The following ROBO2 variants were observed in gnomAD, a reference collection of about 807,000 sequenced individuals.
ROBO2 encodes roundabout guidance receptor 2, also known as roundabout homolog 2.
A neutral mutation model predicts 160.8 loss-of-function variants in ROBO2; 53 were observed. The observed-to-expected ratio is 0.33, with a 90% confidence interval of 0.26 to 0.41. The LOEUF is 0.41. Among genes scored for constraint, ROBO2 ranks in the 10% least tolerant of loss-of-function variants. The pLI, the probability that ROBO2 is intolerant of heterozygous loss-of-function variation, is 1.00. For synonymous variants in ROBO2, 664 were observed against 611.7 expected (o/e 1.09, Z -1.26); for missense variants, 1,577 against 1,722.4 (o/e 0.92, Z 1.49).
At chr3:75,970,109 C>G (rs1192776685) in intron 2 of ROBO2, among the ~76,000 whole-genome samples, 2 of 151,300 alleles carry the variant, frequency 1.3e-5, no homozygotes, top group African/African-American at 4.8e-5. Flanking sequence ...TGTAGATAAC[C>G]AGACTCTCAC....
At chr3:76,708,877 G>C (rs2093227749) in intron 2 of ROBO2, among the ~76,000 whole-genome samples, 1 of 152,158 alleles carries the variant, frequency 6.6e-6, no homozygotes. Flanking sequence ...AAGCACCCAA[G>C]AGATATTAGG....
intron 1 of ROBO2, among the ~76,000 whole-genome samples, chr3:75,921,859 A>G (rs757516478): frequency 2.0e-5 from 3 of 152,158 alleles, no homozygotes; most frequent in African/African-American, 4.8e-5. Context: ...TTCAGCTTCT[A>G]CCCTCAATGG....
At chr3:76,909,015 G>T (rs2148917183) in intron 2 of ROBO2, among the ~76,000 whole-genome samples, 1 of 152,208 alleles carries the variant, frequency 6.6e-6, no homozygotes, top group Admixed American at 6.5e-5. Context: ...ATTGCTTAAG[G>T]CCAGGGGTTA....
At chr3:76,704,270 G>A (rs1213295743) in intron 2 of ROBO2, among the ~76,000 whole-genome samples, 1 of 152,218 alleles carries the variant, frequency 6.6e-6, no homozygotes, top group African/African-American at 2.4e-5. Context: ...GTGAGAGTGT[G>A]AACATTCACA....
At chr3:76,413,084 G>A (rs6762579) in intron 2 of ROBO2, among the ~76,000 whole-genome samples, 85,751 of 152,092 alleles carry the variant, frequency 0.56, 24,701 homozygotes, top group African/African-American at 0.67. Flanking sequence ...CCACCCTCTG[G>A]AGCCACAGCC....
At chr3:77,337,590 TA>T (rs1473234403) in intron 2 of ROBO2, among the ~76,000 whole-genome samples, 3 of 152,186 alleles carry the variant, frequency 2.0e-5, no homozygotes, top group African/African-American at 7.2e-5. Flanking sequence ...ATGTTTCTTA[TA>T]TTGTTACTTT....
chr3:77,016,801 A>G (rs1033987778), intron 2 of ROBO2, among the ~76,000 whole-genome samples: 1 of 152,206 alleles, frequency 6.6e-6, no homozygotes, highest in Non-Finnish European at 1.5e-5. Flanking sequence ...CTCTTGTACC[A>G]TGCTGCACTA....
At chr3:76,065,525 G>T (rs1181902479) in intron 2 of ROBO2, among the ~76,000 whole-genome samples, 1 of 151,758 alleles carries the variant, frequency 6.6e-6, no homozygotes, top group African/African-American at 2.4e-5. Context: ...GGCAAATTCT[G>T]TCTGTAAAAG....
intron 2 of ROBO2, among the ~76,000 whole-genome samples, chr3:76,961,419 G>C (rs114303926): frequency 1.3e-5 from 2 of 151,726 alleles, no homozygotes; most frequent in African/African-American, 2.4e-5. Flanking sequence ...ACTTTTTGTG[G>C]ATCTAAGATA....
chr3:76,914,862 G>T (rs555699067), intron 2 of ROBO2, among the ~76,000 whole-genome samples: 1 of 152,200 alleles, frequency 6.6e-6, no homozygotes, highest in East Asian at 1.9e-4. Flanking sequence ...ACAGGACAGG[G>T]TGTTCTAAGA....
chr3:77,181,723 G>C (rs956607078), intron 2 of ROBO2, among the ~76,000 whole-genome samples: 5 of 151,964 alleles, frequency 3.3e-5, no homozygotes, highest in African/African-American at 1.2e-4. Context: ...CTTGCTTTTA[G>C]TGTTTTTCAG....
At chr3:77,477,047 G>GCACA (rs3073759) in intron 2 of ROBO2, among the ~76,000 whole-genome samples, 14 of 151,094 alleles carry the variant, frequency 9.3e-5, no homozygotes, top group African/African-American at 3.2e-4. Flanking sequence ...ATATATGCGT[G>GCACA]CACACACACA....
chr3:77,598,388 A>C lies in ROBO2; in HGVS notation c.2854+1638A>C, dbSNP rs140280534. 7.0e-3 allele frequency among the ~76,000 whole-genome samples: 1,053 copies of C among 150,374 alleles called. 7 individuals are homozygous for C. The highest frequency in any genetic ancestry group is 0.024 in the African/African-American group (995 of 41,164). ...CCCTTCTGCAAATAAAATACAGAAA[A>C]TAACCATTCCTACTTCATAGGTGTG... On this transcript the variant is annotated intron_variant, in intron 19 of 25. Transcript: ENST00000461745.
At chr3:76,717,872 C>G (rs577429679) in intron 2 of ROBO2, among the ~76,000 whole-genome samples, 1 of 150,352 alleles carries the variant, frequency 6.7e-6, no homozygotes, top group South Asian at 2.1e-4. Flanking sequence ...TAATCTCCCA[C>G]CACAATGATT....
intron 2 of ROBO2, among the ~76,000 whole-genome samples, chr3:76,753,602 G>A (rs2108271663): frequency 6.6e-6 from 1 of 151,942 alleles, no homozygotes; most frequent in Middle Eastern, 3.4e-3. Context: ...CAAAAAATGA[G>A]ATTTAAGTAT....
chr3:76,218,060 A>T (rs1441646605), intron 2 of ROBO2, among the ~76,000 whole-genome samples: 2 of 152,176 alleles, frequency 1.3e-5, no homozygotes, highest in Non-Finnish European at 2.9e-5. Context: ...AAAGACAAAA[A>T]CCAGATGATT....
intron 1 of ROBO2, among the ~76,000 whole-genome samples, chr3:77,067,403 A>T (rs923223571): frequency 6.6e-6 from 1 of 152,184 alleles, no homozygotes; most frequent in African/African-American, 2.4e-5. Flanking sequence ...ACAAAAGTTA[A>T]GTCAGCAGAC....
chr3:77,019,749 C>T (rs915275955), intron 2 of ROBO2, among the ~76,000 whole-genome samples: 9 of 152,118 alleles, frequency 5.9e-5, no homozygotes, highest in African/African-American at 1.4e-4. Flanking sequence ...GTATTTGTAA[C>T]TAAGAAATTT....
chr3:77,011,670 C>A (rs768864599), intron 2 of ROBO2, among the ~76,000 whole-genome samples: 1 of 152,034 alleles, frequency 6.6e-6, no homozygotes, highest in African/African-American at 2.4e-5. Context: ...CTACAGCTAC[C>A]TTTTTCAGGC....
Sources: gnomAD v4.1 joint callset for allele counts (sites outside exome capture counted in the v4.1 genomes callset) on GRCh38, gnomAD v4.1.1 for gene constraint, MANE v1.5 for transcripts, NCBI Gene and HGNC (gene_info 2026-07-23, HGNC 2026-07-21) for gene names.